CCDC136: variants seen among roughly 807,000 people sequenced by gnomAD.
CCDC136 encodes coiled-coil domain-containing protein 136.
CCDC136 carries 100 observed loss-of-function variants against 141.2 expected under a neutral mutation model. The ratio of observed to expected loss-of-function variants is 0.71; its 90% confidence interval spans 0.60 to 0.84. The LOEUF (loss-of-function observed/expected upper bound fraction) is 0.84, where lower values mean the gene tolerates loss of function less well. Among genes scored for constraint, CCDC136 ranks in the 40% least tolerant of loss-of-function variants. The pLI, the probability that CCDC136 is intolerant of heterozygous loss-of-function variation, is 0.00. For synonymous variants in CCDC136, 474 were observed against 531.9 expected (o/e 0.89, Z 1.50); for missense variants, 1,206 against 1,379.4 (o/e 0.87, Z 1.99).
chr7:128,811,821 C>A lies in CCDC136; in HGVS notation c.2050C>A (p.Gln684Lys). The change falls in exon 13 of 18, where the codon CAG (glutamine) becomes AAG (lysine). Residue 684 changes from glutamine (Q) to lysine (K), a missense_variant. By Grantham distance (53) the Gln-to-Lys change is moderately conservative. Transcript: ENST00000297788. ...RNKQSKLLME[Q>K]MQALQVMYDA... ...CCAGCAATCCAAGCTGCTCATGGAG[C>A]AGATGCAGGCCCTGCAGGTGATGTA... The A allele has an allele frequency of 6.3e-7, 1 of 1,589,760 alleles. No homozygotes were observed. Among genetic ancestry groups the A allele is most frequent in the South Asian group, 1.2e-5 (1 of 86,934 alleles).
In CCDC136 at chr7:128,810,405, C is replaced by A. The variant is rs1159184178; in HGVS notation, c.2028+39C>A. ...GAGGTAGGGAGACAGTTCTCCTGAG[C>A]ACAACAGCATGGCAGAGAGAGTGGG... On this transcript the variant is annotated intron_variant, in intron 12 of 17. Transcript: ENST00000297788. The A allele has an allele frequency of 4.2e-6, 6 of 1,439,684 alleles. No homozygotes were observed. In the South Asian group the frequency reaches 7.2e-5, roughly 17 times the overall value. The allele number at this position is 1,439,684 out of a possible 1,614,324, so 89.2% of individuals were successfully genotyped here.
chr7:128,792,142 G>C lies in CCDC136; in HGVS notation c.-270G>C. On this transcript the variant is annotated 5_prime_UTR_variant, in exon 1 of 18. Transcript: ENST00000297788. ...GGTTCTGAGGAGGCTGGGAGGCAGGGCTGAGAGGTGGCCGAGAGAGAGGAG... is the reference window on the plus strand; with the variant it reads ...GGTTCTGAGGAGGCTGGGAGGCAGGCCTGAGAGGTGGCCGAGAGAGAGGAG... 1.4e-6 allele frequency: 2 copies of C among 1,429,052 alleles called. No individual in the cohort carries two copies. Among genetic ancestry groups the C allele is most frequent in the African/African-American group, 2.9e-5 (2 of 68,530 alleles). The allele number at this position is 1,429,052 out of a possible 1,614,324, so 88.5% of individuals were successfully genotyped here.
chr7:128,791,677 C>T, upstream of CCDC136: 1 of 610,194 alleles, frequency 1.6e-6, no homozygotes, highest in Non-Finnish European at 2.4e-6. This position sits in a 1 kb window ranked among gnomAD's most constrained non-coding sequence, Gnocchi z 7.1. Flanking sequence ...GTCTTCCTCC[C>T]TCCATCCTGG....
intron 3 of CCDC136, among the ~76,000 whole-genome samples, chr7:128,796,100 C>T (rs1435860740): frequency 1.3e-5 from 2 of 152,086 alleles, no homozygotes; most frequent in African/African-American, 4.8e-5. Flanking sequence ...CTCAGCCTCC[C>T]GAGTAGCTGA....
At position 128,822,039 on chromosome 7, in the gene CCDC136, G is replaced by T; in HGVS notation, c.*246G>T. The T allele has an allele frequency of 8.3e-7, 1 of 1,207,842 alleles. No homozygotes were observed. Among genetic ancestry groups the T allele is most frequent in the Middle Eastern group, 3.7e-4 (1 of 2,730 alleles). The allele number at this position is 1,207,842 out of a possible 1,614,324, so 74.8% of individuals were successfully genotyped here. A position where few individuals can be genotyped will look rare whatever the true frequency, so the allele number is the denominator to read the frequency against. On this transcript the variant is annotated 3_prime_UTR_variant, in exon 18 of 18. Coordinates refer to ENST00000297788, the MANE Select transcript of CCDC136 (RefSeq NM_022742.5). ...CCATCTCCTCAGCCTCAGTCACCCA[G>T]GCTGAAAAGGCTTGTGGGGAGCGGC...
intron 14 of CCDC136, 50 bp from the exon 15 acceptor site, chr7:128,814,588 T>C (rs1485317709): frequency 6.7e-7 from 1 of 1,483,824 alleles, no homozygotes; most frequent in African/African-American, 1.4e-5. Context: ...GTCAGCCAAC[T>C]GGTTGCATAA....
intron 8 of CCDC136, 114 bp from the exon 9 acceptor site, chr7:128,806,574 G>A: frequency 1.1e-5 from 12 of 1,140,862 alleles, no homozygotes; most frequent in Non-Finnish European, 1.4e-5. Flanking sequence ...ACATTAGGAA[G>A]TGAAGGGCAG....
chr7:128,805,409 C>T lies in CCDC136; in HGVS notation c.833C>T (p.Thr278Met), dbSNP rs143320390. ...CTGCAGTCCCAAACACTGAGTATGA[C>T]GTCAGCAGAGTCTCAGACTTCAGAA... ...RWLQSQTLSMTSAESQTSEMD... is the reference protein window; with the variant it reads ...RWLQSQTLSMMSAESQTSEMD... Residue 278 changes from threonine to methionine, a missense_variant, in exon 6 of 18, where the codon ACG (threonine) becomes ATG (methionine). Transcript: ENST00000297788. The surrounding 1 kb of genome is among the most constrained non-coding windows in gnomAD (Gnocchi z 4.6). 378 of 1,613,876 alleles carry T rather than the reference C, an allele frequency of 2.3e-4. No individual in the cohort carries two copies. Among genetic ancestry groups the T allele is most frequent in the South Asian group, 4.0e-4 (36 of 91,088 alleles).
Position 128,814,662 on chromosome 7 carries a change from C to T in CCDC136, c.2788C>T (p.Arg930Trp), listed in dbSNP as rs199769669. 23 of 1,591,326 alleles carry T rather than the reference C, an allele frequency of 1.4e-5. No homozygotes were observed. Among genetic ancestry groups the T allele is most frequent in the East Asian group, 6.7e-5 (3 of 44,446 alleles). The change falls in exon 15 of 18, where the codon CGG (arginine) becomes TGG (tryptophan). Residue 930 changes from arginine to tryptophan, a missense_variant. Physicochemically the swap from Arg to Trp is moderately radical, Grantham distance 101. Coordinates refer to ENST00000297788, the MANE Select transcript of CCDC136 (RefSeq NM_022742.5). Reference sequence around the variant, plus strand: ...GATCAAAGAACTGCAGACCAAGCTGCGGGAGCTGCAGCTGCAATACCAGGC... The same window carrying T: ...GATCAAAGAACTGCAGACCAAGCTGTGGGAGCTGCAGCTGCAATACCAGGC... The part of the protein sequence containing the change: ...NEIKELQTKL[R>W]ELQLQYQASM...
At chr7:128,815,001 A>G in intron 15 of CCDC136, 82 bp downstream of exon 15, 1 of 1,196,356 alleles carries the variant, frequency 8.4e-7, no homozygotes, top group South Asian at 1.6e-5. Flanking sequence ...AACCCTTTCA[A>G]CCAGGCAAGG....
intron 3 of CCDC136, among the ~76,000 whole-genome samples, chr7:128,795,433 G>A (rs1463038253): frequency 6.6e-6 from 1 of 152,000 alleles, no homozygotes; most frequent in East Asian, 1.9e-4. Flanking sequence ...CCTAGAAAAC[G>A]GCAGGGACTC....
rs943766703 is a variant in CCDC136, at chr7:128,812,234, C to T, written c.2463C>T (p.Thr821=). 1 of 1,613,884 alleles carries T rather than the reference C, an allele frequency of 6.2e-7. No homozygotes were observed. Among genetic ancestry groups the T allele is most frequent in the South Asian group, 1.1e-5 (1 of 91,068 alleles). ...CCTATAAGAAGAGTTACGGCAGCAC[C>T]AGTAGCTCTGACACCTGCCAGAAGA... ...SITYKKSYGS[T]SSSDTCQKSF... is the part of the protein sequence containing the mutation. The change falls in exon 13 of 18, where the codon ACC becomes ACT. Residue 821 remains threonine, a synonymous_variant. Coordinates refer to ENST00000297788, the MANE Select transcript of CCDC136 (RefSeq NM_022742.5).
Position 128,792,150 on chromosome 7 carries a change from G to A in CCDC136, c.-262G>A. The stretch of plus-strand genomic sequence containing the variant: ...GGAGGCTGGGAGGCAGGGCTGAGAG[G>A]TGGCCGAGAGAGAGGAGTCGCAGAG... On this transcript the variant is annotated 5_prime_UTR_variant, in exon 1 of 18. The change creates a new upstream start codon in the 5' untranslated region. Coordinates refer to ENST00000297788, the MANE Select transcript of CCDC136 (RefSeq NM_022742.5). The A allele has an allele frequency of 7.0e-7, 1 of 1,431,330 alleles. No individual in the cohort carries two copies. The highest frequency in any genetic ancestry group is 2.8e-5 in the Admixed American group (1 of 35,834). The allele number at this position is 1,431,330 out of a possible 1,614,324, so 88.7% of individuals were successfully genotyped here. A position where few individuals can be genotyped will look rare whatever the true frequency, so the allele number is the denominator to read the frequency against.
At chr7:128,811,399 G>A (rs1315720565) in intron 12 of CCDC136, 1 of 460,098 alleles carries the variant, frequency 2.2e-6, no homozygotes, top group Admixed American at 2.3e-5. Context: ...TCAAGGCCGG[G>A]GCTGATTTTA....
At chr7:128,808,927 C>G (rs1161692823) in intron 10 of CCDC136, 1 of 984,994 alleles carries the variant, frequency 1.0e-6, no homozygotes, top group Admixed American at 6.2e-5. Context: ...ATGATTTAGT[C>G]TTCTCAACCC....
Position 128,810,181 on chromosome 7 carries a change from C to T in CCDC136, c.1843C>T (p.Gln615Ter). Residue 615 changes from glutamine (Q) to a stop codon, truncating the protein, a stop_gained, in exon 12 of 18, where the codon CAG becomes TAG. Transcript: ENST00000297788. LOFTEE classifies it high-confidence loss of function. The stretch of plus-strand genomic sequence containing the variant: ...CAAGTTAGAAGACCTGTGTGAGCTG[C>T]AGCTGCTCTACCAAGGCATGCAGGA... ...LTKLEDLCEL[Q>*]LLYQGMQEEQ... 1 of 1,605,784 alleles carries T rather than the reference C, an allele frequency of 6.2e-7. No homozygotes were observed. Among genetic ancestry groups the T allele is most frequent in the Non-Finnish European group, 8.5e-7 (1 of 1,175,934 alleles).
At position 128,817,019 on chromosome 7, in the gene CCDC136, C is replaced by T. The variant is rs1181383708; in HGVS notation, c.3364-739C>T. Among the ~76,000 whole-genome samples the T allele has an allele frequency of 6.6e-6, 1 of 152,198 alleles. No individual in the cohort carries two copies. Reference sequence around the variant, plus strand: ...ATGTTTCCTTGAGCTCATCATATTCCACCACGTGCTGGTTCAGAGCCTCAC... The same window carrying T: ...ATGTTTCCTTGAGCTCATCATATTCTACCACGTGCTGGTTCAGAGCCTCAC... On this transcript the variant is annotated intron_variant, in intron 16 of 17. Coordinates refer to ENST00000297788, the MANE Select transcript of CCDC136 (RefSeq NM_022742.5). This position sits in a 1 kb window ranked among gnomAD's most constrained non-coding sequence, Gnocchi z 4.6.
intron 8 of CCDC136, 107 bp from the exon 9 acceptor site, chr7:128,806,581 G>A: frequency 2.5e-6 from 3 of 1,183,272 alleles, no homozygotes; most frequent in Non-Finnish European, 3.5e-6. Flanking sequence ...GAAGTGAAGG[G>A]CAGGAAGAAG....
In CCDC136 at chr7:128,814,658, G is replaced by C. The variant is rs763639427; in HGVS notation, c.2784G>C (p.Lys928Asn). ...AACAGATCAAAGAACTGCAGACCAA[G>C]CTGCGGGAGCTGCAGCTGCAATACC... ...DKNEIKELQT[K>N]LRELQLQYQA... Residue 928 changes from lysine to asparagine, a missense_variant, in exon 15 of 18, where the codon AAG becomes AAC. Physicochemically the swap from Lys to Asn is moderately conservative, Grantham distance 94. Transcript: ENST00000297788. The C allele has an allele frequency of 6.3e-7, 1 of 1,590,068 alleles. No homozygotes were observed. Among genetic ancestry groups the C allele is most frequent in the Non-Finnish European group, 8.6e-7 (1 of 1,167,052 alleles).
Sources: gnomAD v4.1 joint callset for allele counts (sites outside exome capture counted in the v4.1 genomes callset) on GRCh38, gnomAD v4.1.1 for gene constraint, Gnocchi (gnomAD v3.1) non-coding constraint, MANE v1.5 for transcripts, NCBI Gene and HGNC (gene_info 2026-07-23, HGNC 2026-07-21) for gene names.